The following WDFY4 variants were observed in gnomAD, a reference collection of about 807,000 sequenced individuals.
WDFY4 encodes WDFY family member 4.
WDFY4 carries 169 observed loss-of-function variants against 351.9 expected under a neutral mutation model. The ratio of observed to expected loss-of-function variants is 0.48; its 90% confidence interval spans 0.42 to 0.55. The LOEUF (loss-of-function observed/expected upper bound fraction) is 0.55. Among genes scored for constraint, WDFY4 ranks in the 20% least tolerant of loss-of-function variants. WDFY4 has a pLI of 0.00. For synonymous variants in WDFY4, 1,622 were observed against 1,574.6 expected (o/e 1.03, Z -0.71); for missense variants, 3,803 against 3,935.6 (o/e 0.97, Z 0.90).
intron 24 of WDFY4, 147 bp downstream of exon 24, chr10:48,796,597 G>A: frequency 8.6e-7 from 1 of 1,163,170 alleles, no homozygotes; most frequent in Non-Finnish European, 1.2e-6. Flanking sequence ...CTGCCCAGAG[G>A]CCCTGGTTTG....
chr10:48,973,094 G>T (rs1842405625), intron 57 of WDFY4, among the ~76,000 whole-genome samples: 1 of 152,300 alleles, frequency 6.6e-6, no homozygotes. Flanking sequence ...GCTGTTTCCT[G>T]GGAAGAGCAG....
At chr10:48,795,539 A>G (rs1012540001) in intron 23 of WDFY4, among the ~76,000 whole-genome samples, 9 of 63,226 alleles carry the variant, frequency 1.4e-4, no homozygotes, top group Admixed American at 3.0e-4. Flanking sequence ...ATATATACAC[A>G]CACATGAATA....
intron 10 of WDFY4, among the ~76,000 whole-genome samples, chr10:48,735,382 G>A (rs896728292): frequency 6.6e-6 from 1 of 152,198 alleles, no homozygotes; most frequent in Non-Finnish European, 1.5e-5. Context: ...CTTTCTATAT[G>A]AATTTTGTCA....
chr10:48,910,591 G>A (rs952274208), intron 47 of WDFY4, among the ~76,000 whole-genome samples: 10 of 152,144 alleles, frequency 6.6e-5, no homozygotes, highest in Non-Finnish European at 8.8e-5. Flanking sequence ...AGTCTGCTTC[G>A]TCCTGCTGCC....
intron 2 of WDFY4, among the ~76,000 whole-genome samples, chr10:48,715,555 G>A (rs1176255017): frequency 6.6e-6 from 1 of 151,768 alleles, no homozygotes; most frequent in Non-Finnish European, 1.5e-5. Flanking sequence ...AACCAAGTGT[G>A]GATCTAACTG....
intron 23 of WDFY4, among the ~76,000 whole-genome samples, chr10:48,792,445 A>G (rs1355344344): frequency 6.6e-6 from 1 of 152,214 alleles, no homozygotes; most frequent in African/African-American, 2.4e-5. Flanking sequence ...CCATGAAGAC[A>G]CTCAGTACAT....
At chr10:48,980,565 C>T (rs1842766151) in intron 60 of WDFY4, among the ~76,000 whole-genome samples, 1 of 152,192 alleles carries the variant, frequency 6.6e-6, no homozygotes, top group Admixed American at 6.5e-5. Context: ...GATTTGGACT[C>T]AATCTGGTAC....
In WDFY4 at chr10:48,873,691, G is replaced by T; in HGVS notation, c.6942G>T (p.Arg2314Ser). 5.2e-6 allele frequency: 8 copies of T among 1,551,732 alleles called. No homozygotes were observed. The highest frequency in any genetic ancestry group is 6.1e-6 in the Non-Finnish European group (7 of 1,147,004). ...CTTTGGAGGCCCTGAGCTCAGGAAGGCACAAGGTAGGAGTCAGGCGCAGTG... is the reference window on the plus strand; with the variant it reads ...CTTTGGAGGCCCTGAGCTCAGGAAGTCACAAGGTAGGAGTCAGGCGCAGTG... ...LSPLEALSSGRHKESQDKNDH... is the reference protein window; with the variant it reads ...LSPLEALSSGSHKESQDKNDH... The change falls in exon 41 of 62, where the codon AGG (arginine) becomes AGT (serine). Residue 2314 changes from arginine (R) to serine (S), a missense_variant. By Grantham distance (110) the Arg-to-Ser change is moderately radical. This residue lies in a region of WDFY4 where 3,054 missense variants were observed against 3,148.6 expected (regional missense o/e 0.97). Coordinates refer to ENST00000325239, the MANE Select transcript of WDFY4 (RefSeq NM_001394531.1).
At chr10:48,796,245 G>C in intron 23 of WDFY4, 53 bp from the exon 24 acceptor site, 1 of 1,516,258 alleles carries the variant, frequency 6.6e-7, no homozygotes, top group Non-Finnish European at 8.9e-7. Flanking sequence ...GGGTGAAGGG[G>C]AAATCTCTAA....
chr10:48,779,983 G>T lies in WDFY4; in HGVS notation c.3440G>T (p.Cys1147Phe). ...PEDDSEPSAG[C>F]QLQVRCGQLL... Reference sequence around the variant, plus strand: ...GATGACTCCGAGCCTTCTGCAGGATGCCAGCTTCAGGTCAGGTGTGGCCAG... The same window carrying T: ...GATGACTCCGAGCCTTCTGCAGGATTCCAGCTTCAGGTCAGGTGTGGCCAG... Residue 1147 changes from cysteine (C) to phenylalanine (F), a missense_variant, in exon 19 of 62, where the codon TGC (cysteine) becomes TTC (phenylalanine). Transcript: ENST00000325239. 1 of 1,551,832 alleles carries T rather than the reference G, an allele frequency of 6.4e-7. No individual in the cohort carries two copies.
chr10:48,811,621 C>T lies in WDFY4; in HGVS notation c.5127C>T (p.Ala1709=), dbSNP rs2067449368. 6.4e-7 allele frequency: 1 copy of T among 1,551,850 alleles called. No individual in the cohort carries two copies. The highest frequency in any genetic ancestry group is 8.7e-7 in the Non-Finnish European group (1 of 1,147,072). Residue 1709 remains alanine, a synonymous_variant, in exon 30 of 62, where the codon GCC becomes GCT. Coordinates refer to ENST00000325239, the MANE Select transcript of WDFY4 (RefSeq NM_001394531.1). ...PGFRVLNDFL[A]HHVHIPEVYL... The stretch of plus-strand genomic sequence containing the variant: ...TCCGTGTCTTGAATGACTTTCTGGC[C>T]CACCACGTCCACATTCCAGAGGTCT...
At chr10:48,790,678 G>A in intron 22 of WDFY4, 49 bp from the exon 23 acceptor site, 1 of 1,530,194 alleles carries the variant, frequency 6.5e-7, no homozygotes, top group Non-Finnish European at 8.8e-7. Context: ...ATTTCCCATT[G>A]CAATGAAGCT....
chr10:48,886,545 T>C (rs999795803), intron 43 of WDFY4, among the ~76,000 whole-genome samples: 9 of 152,236 alleles, frequency 5.9e-5, no homozygotes, highest in Non-Finnish European at 1.3e-4. Flanking sequence ...GCCCCATTTC[T>C]GTCTCTGTCT....
chr10:48,790,797 G>A lies in WDFY4; in HGVS notation c.4137G>A (p.Leu1379=). The change falls in exon 23 of 62, where the codon CTG becomes CTA. Residue 1379 remains leucine (L), a synonymous_variant. Transcript: ENST00000325239. The part of the protein sequence containing the change: ...LDFIGGPAIL[L]GLISLATDDH... ...TCATTGGCGGGCCTGCCATCCTCCT[G>A]GGCCTCATCTCCTTAGCGACAGATG... The A allele has an allele frequency of 1.9e-6, 3 of 1,551,756 alleles. No individual in the cohort carries two copies. Among genetic ancestry groups the A allele is most frequent in the Non-Finnish European group, 2.6e-6 (3 of 1,147,002 alleles).
rs554069192 is a variant in WDFY4, at chr10:48,773,897, G to A, written c.2554-561G>A. Among the ~76,000 whole-genome samples the A allele has an allele frequency of 4.6e-5, 7 of 152,270 alleles. No individual in the cohort carries two copies. The South Asian group carries it at 1.0e-3, about 23-fold the overall frequency. On this transcript the variant is annotated intron_variant, in intron 13 of 61. Transcript: ENST00000325239. The stretch of plus-strand genomic sequence containing the variant: ...CCAGGCAGATTCCACCTTTTACTCC[G>A]GGGGTGCGAACTCCAACACAGGAAC...
chr10:48,714,087 C>T (rs138379966), intron 2 of WDFY4, among the ~76,000 whole-genome samples: 1 of 152,200 alleles, frequency 6.6e-6, no homozygotes, highest in Admixed American at 6.5e-5. Flanking sequence ...ATTTTTATCC[C>T]AGCTTTATAA....
chr10:48,704,754 G>A (rs558917092), intron 1 of WDFY4, among the ~76,000 whole-genome samples: 9 of 152,336 alleles, frequency 5.9e-5, no homozygotes, highest in Non-Finnish European at 7.3e-5. Context: ...ACCGACTGGC[G>A]AAGGGACCCT....
At chr10:48,767,956 T>A (rs761575268) in intron 13 of WDFY4, among the ~76,000 whole-genome samples, 1 of 152,006 alleles carries the variant, frequency 6.6e-6, no homozygotes, top group Admixed American at 6.6e-5. Context: ...GCAGGCAGGC[T>A]CTCTACAGAT....
chr10:48,889,793 C>T (rs2070618120), intron 43 of WDFY4, among the ~76,000 whole-genome samples: 1 of 152,212 alleles, frequency 6.6e-6, no homozygotes, highest in African/African-American at 2.4e-5. Flanking sequence ...GAAGTGCAAC[C>T]ACAATGTAGT....
Sources: allele counts gnomAD v4.1 joint callset (sites outside exome capture counted in the v4.1 genomes callset), GRCh38; gene constraint gnomAD v4.1.1; regional missense constraint gnomAD v4.1.1; transcripts MANE v1.5; gene names NCBI Gene and HGNC (gene_info 2026-07-23, HGNC 2026-07-21).